Variants in PTPRO observed in about 807,000 individuals in gnomAD.
PTPRO encodes receptor-type tyrosine-protein phosphatase O.
A neutral mutation model predicts 145.2 loss-of-function variants in PTPRO; 62 were observed. The observed-to-expected ratio is 0.43, with a 90% confidence interval of 0.35 to 0.53. PTPRO has a LOEUF of 0.53. PTPRO is among the 20% of genes least tolerant of loss of function. The pLI is 0.01. For missense variants in PTPRO, 1,345 were observed against 1,482.7 expected (o/e 0.91, Z 1.53); for synonymous variants, 565 against 514.7 (o/e 1.10, Z -1.32).
At chr12:15,349,862 A>G (rs1248622002) in intron 1 of PTPRO, among the ~76,000 whole-genome samples, 2 of 152,160 alleles carry the variant, frequency 1.3e-5, no homozygotes, top group Admixed American at 6.5e-5. Flanking sequence ...AAAGAGAGGA[A>G]TTGTAGCTTA....
intron 1 of PTPRO, among the ~76,000 whole-genome samples, chr12:15,472,461 A>G (rs1389958265): frequency 6.6e-6 from 1 of 152,166 alleles, no homozygotes; most frequent in Non-Finnish European, 1.5e-5. Flanking sequence ...CCAGCACTCT[A>G]TTCTGATCAT....
chr12:15,503,964 C>T lies in PTPRO; in HGVS notation c.1162C>T (p.Leu388=). 6.3e-7 allele frequency: 1 copy of T among 1,598,308 alleles called. No homozygotes were observed. Among genetic ancestry groups the T allele is most frequent in the Non-Finnish European group, 8.6e-7 (1 of 1,165,968 alleles). The stretch of plus-strand genomic sequence containing the variant: ...AGAAGCACATGAATTTGTTGCAGAA[C>T]TGAAGGAACCTGGGAAATATAAGTT... ...DEEAHEFVAE[L]KEPGKYKLSV... The change falls in exon 6 of 27, where the codon CTG becomes TTG. Residue 388 remains leucine, a synonymous_variant. Coordinates refer to ENST00000281171, the MANE Select transcript of PTPRO (RefSeq NM_030667.3).
chr12:15,325,997 C>G (rs1296427084), intron 1 of PTPRO, among the ~76,000 whole-genome samples: 3 of 152,128 alleles, frequency 2.0e-5, no homozygotes, highest in Non-Finnish European at 4.4e-5. Context: ...ATTGTACTTT[C>G]TGAAACAGGT....
At chr12:15,367,414 A>G (rs1012010768) in intron 1 of PTPRO, among the ~76,000 whole-genome samples, 7 of 152,224 alleles carry the variant, frequency 4.6e-5, no homozygotes, top group African/African-American at 1.4e-4. Context: ...ATGCAGCAAA[A>G]TAGAATCTTG....
chr12:15,453,968 T>C (rs1206011161), intron 1 of PTPRO, among the ~76,000 whole-genome samples: 2 of 152,230 alleles, frequency 1.3e-5, no homozygotes, highest in African/African-American at 4.8e-5. Flanking sequence ...TTTCTTCATT[T>C]ATTCATCCAT....
intron 26 of PTPRO, chr12:15,595,330 C>T: frequency 4.9e-6 from 2 of 410,330 alleles, no homozygotes; most frequent in South Asian, 4.5e-5. Flanking sequence ...TACCCAGAAC[C>T]CTAAATTATT....
At chr12:15,480,431 C>G (rs992648797) in intron 1 of PTPRO, among the ~76,000 whole-genome samples, 11 of 152,180 alleles carry the variant, frequency 7.2e-5, no homozygotes, top group Non-Finnish European at 7.4e-5. Flanking sequence ...TGGATGGAAC[C>G]TACACATGCT....
chr12:15,443,940 GA>G, intron 1 of PTPRO, among the ~76,000 whole-genome samples: 2 of 151,550 alleles, frequency 1.3e-5, no homozygotes, highest in South Asian at 4.2e-4. Context: ...ATTTCTCAAA[GA>G]AGTTAAAACA....
chr12:15,446,137 G>A (rs1005206577), intron 1 of PTPRO, among the ~76,000 whole-genome samples: 1 of 151,946 alleles, frequency 6.6e-6, no homozygotes, highest in Non-Finnish European at 1.5e-5. Flanking sequence ...TTATTCTATT[G>A]TTCAATTTGA....
chr12:15,425,668 T>A (rs1454540514), intron 1 of PTPRO, among the ~76,000 whole-genome samples: 1 of 152,188 alleles, frequency 6.6e-6, no homozygotes, highest in Non-Finnish European at 1.5e-5. Context: ...AAATGTTACA[T>A]TATTTATTGC....
At chr12:15,403,746 G>A (rs149323290) in intron 1 of PTPRO, among the ~76,000 whole-genome samples, 106 of 152,022 alleles carry the variant, frequency 7.0e-4, no homozygotes, top group African/African-American at 2.2e-3. Flanking sequence ...ATGGTACTTA[G>A]CTCAATTTAT....
intron 1 of PTPRO, among the ~76,000 whole-genome samples, chr12:15,371,237 A>T (rs2199343): frequency 0.95 from 140,925 of 148,906 alleles, 66,478 homozygotes; most frequent in East Asian, 0.99. Context: ...CAAGCTCACT[A>T]TTTTTTTTTT....
chr12:15,432,813 T>G (rs550378513), intron 1 of PTPRO, among the ~76,000 whole-genome samples: 10 of 152,354 alleles, frequency 6.6e-5, no homozygotes, highest in Admixed American at 3.9e-4. Context: ...TAGAAAAGTG[T>G]TTGCTCATGT....
At chr12:15,579,579 C>T (rs886551418) in intron 20 of PTPRO, among the ~76,000 whole-genome samples, 2 of 152,222 alleles carry the variant, frequency 1.3e-5, no homozygotes, top group Non-Finnish European at 1.5e-5. Flanking sequence ...TAACACTTCA[C>T]ATCTGTACAC....
At chr12:15,511,003 CAAAAAAA>C (rs10648692) in intron 7 of PTPRO, among the ~76,000 whole-genome samples, 1 of 105,650 alleles carries the variant, frequency 9.5e-6, no homozygotes, top group Non-Finnish European at 1.9e-5. Context: ...TCTGTCTCCA[CAAAAAAA>C]AAAAAAAAAA....
intron 10 of PTPRO, among the ~76,000 whole-genome samples, chr12:15,521,091 A>G (rs1360780011): frequency 2.0e-5 from 3 of 152,198 alleles, no homozygotes; most frequent in Non-Finnish European, 4.4e-5. Context: ...AGACGTTTCA[A>G]GAACCTTTTA....
At chr12:15,387,510 C>T (rs554861541) in intron 1 of PTPRO, among the ~76,000 whole-genome samples, 4 of 152,130 alleles carry the variant, frequency 2.6e-5, no homozygotes, top group African/African-American at 4.8e-5. Flanking sequence ...ATCTACTTCC[C>T]CCTTCATAGG....
At chr12:15,585,501 G>A (rs2135661518) in intron 23 of PTPRO, among the ~76,000 whole-genome samples, 1 of 152,268 alleles carries the variant, frequency 6.6e-6, no homozygotes, top group African/African-American at 2.4e-5. Flanking sequence ...AATGGGTGTA[G>A]GGGAGGTGAT....
intron 1 of PTPRO, among the ~76,000 whole-genome samples, chr12:15,356,996 C>T (rs547208940): frequency 6.6e-6 from 1 of 152,270 alleles, no homozygotes; most frequent in East Asian, 1.9e-4. Context: ...TCCCTGCACG[C>T]AGCCACTGTG....
Sources: gnomAD v4.1 joint callset for allele counts (sites outside exome capture counted in the v4.1 genomes callset) on GRCh38, gnomAD v4.1.1 for gene constraint, MANE v1.5 for transcripts, NCBI Gene and HGNC (gene_info 2026-07-23, HGNC 2026-07-21) for gene names.